CUBN: variants seen among roughly 807,000 people sequenced by gnomAD.
CUBN encodes the protein 460 kDa receptor.
Under a neutral mutation model 405.3 loss-of-function variants are expected in CUBN, and 282 were observed. The ratio of observed to expected loss-of-function variants is 0.70; its 90% confidence interval spans 0.63 to 0.77. The LOEUF is 0.77. Among genes scored for constraint, CUBN ranks in the 30% least tolerant of loss-of-function variants. The pLI, the probability that CUBN is intolerant of heterozygous loss-of-function variation, is 0.00. For missense variants in CUBN, 4,514 were observed against 4,475.2 expected (o/e 1.01, Z -0.25); for synonymous variants, 1,684 against 1,617.0 (o/e 1.04, Z -0.99).
At chr10:17,039,414 G>C (rs1834968771) in intron 27 of CUBN, among the ~76,000 whole-genome samples, 1 of 152,130 alleles carries the variant, frequency 6.6e-6, no homozygotes, top group African/African-American at 2.4e-5. Context: ...TGTATAATAA[G>C]TGCCTGGGTT....
intron 27 of CUBN, among the ~76,000 whole-genome samples, chr10:17,026,160 C>G (rs1252438798): frequency 6.6e-6 from 1 of 152,174 alleles, no homozygotes; most frequent in Non-Finnish European, 1.5e-5. Flanking sequence ...TTCCCCACCC[C>G]AAACAACCAC....
intron 31 of CUBN, among the ~76,000 whole-genome samples, chr10:16,975,624 CTTTT>C (rs199779818): frequency 8.0e-6 from 1 of 124,308 alleles, no homozygotes; most frequent in East Asian, 2.6e-4. Context: ...TAAAGACCTT[CTTTT>C]TTTTTTTTTT....
At chr10:16,966,674 C>G (rs1471761544) in intron 31 of CUBN, among the ~76,000 whole-genome samples, 1 of 152,166 alleles carries the variant, frequency 6.6e-6, no homozygotes, top group East Asian at 1.9e-4. Context: ...GTCTTGAACT[C>G]TTGACCTCAA....
intron 45 of CUBN, among the ~76,000 whole-genome samples, chr10:16,916,982 T>C (rs2131460890): frequency 6.6e-6 from 1 of 151,794 alleles, no homozygotes; most frequent in South Asian, 2.1e-4. Flanking sequence ...CCTGGCTAAT[T>C]TTTGTATTTT....
In CUBN at chr10:16,900,755, T is replaced by C. The variant is rs756182123; in HGVS notation, c.8280A>G (p.Ile2760Met). Reference sequence around the variant, plus strand: ...GGTTTGAATTTCCACAGTATTGTCCTATGATGGGTGATTCAGGGGACCCAC... The same window carrying C: ...GGTTTGAATTTCCACAGTATTGTCCCATGATGGGTGATTCAGGGGACCCAC... The part of the protein sequence containing the change: ...RNGGSPESPI[I>M]GQYCGNSNPR... Residue 2760 changes from isoleucine (I) to methionine (M), a missense_variant, in exon 53 of 67, where the codon ATA becomes ATG. Physicochemically the swap from Ile to Met is conservative, Grantham distance 10 (BLOSUM62 1). This residue lies in a region of CUBN where 1,186 missense variants were observed against 1,186.9 expected (regional missense o/e 1.00). Transcript: ENST00000377833. 3 of 1,613,932 alleles carry C rather than the reference T, an allele frequency of 1.9e-6. No homozygotes were observed. Among genetic ancestry groups the C allele is most frequent in the Non-Finnish European group, 1.7e-6 (2 of 1,179,950 alleles).
chr10:17,101,310 T>C (rs1836488513), intron 13 of CUBN, among the ~76,000 whole-genome samples: 1 of 152,060 alleles, frequency 6.6e-6, no homozygotes, highest in Admixed American at 6.6e-5. Flanking sequence ...GAATTGGTAA[T>C]GAAAGTATTA....
chr10:16,887,289 TC>T (rs1489619090), intron 56 of CUBN, among the ~76,000 whole-genome samples: 1 of 152,260 alleles, frequency 6.6e-6, no homozygotes, highest in Non-Finnish European at 1.5e-5. Flanking sequence ...AGACTTATTT[TC>T]TTTAAGCAAT....
At chr10:16,955,092 C>T (rs1035247694) in intron 31 of CUBN, among the ~76,000 whole-genome samples, 3 of 151,866 alleles carry the variant, frequency 2.0e-5, no homozygotes, top group South Asian at 2.1e-4. Context: ...TCTTTTTGCC[C>T]GTGCATGGTG....
rs144422027 is a variant in CUBN, at chr10:16,899,093, G to A, written c.8501C>T (p.Thr2834Met). ...GTGTTTACTTTTGTGAGTAATGGCC[G>A]TCCAGGAACATCTGCTGTTTTCGGG... ...NFPENSRCSW[T>M]AITHKSKHLE... Residue 2834 changes from threonine to methionine, a missense_variant, in exon 54 of 67, where the codon ACG (threonine) becomes ATG (methionine). Thr to Met is a moderately conservative substitution (Grantham distance 81). Transcript: ENST00000377833. 34 of 1,612,994 alleles carry A rather than the reference G, an allele frequency of 2.1e-5. No homozygotes were observed. Among genetic ancestry groups the A allele is most frequent in the Middle Eastern group, 1.6e-4 (1 of 6,084 alleles).
intron 31 of CUBN, among the ~76,000 whole-genome samples, chr10:16,958,374 C>A (rs3847365): frequency 0.67 from 100,328 of 150,158 alleles, 33,466 homozygotes; most frequent in African/African-American, 0.77. Flanking sequence ...ATACAAAAAA[C>A]AATTAGCCAG....
At chr10:17,039,944 T>C (rs1486838781) in intron 27 of CUBN, among the ~76,000 whole-genome samples, 1 of 152,208 alleles carries the variant, frequency 6.6e-6, no homozygotes, top group Non-Finnish European at 1.5e-5. Flanking sequence ...TTGTCACTCT[T>C]TGTTTTCATA....
chr10:17,087,941 G>C (rs1417101287), intron 15 of CUBN, among the ~76,000 whole-genome samples: 1 of 152,106 alleles, frequency 6.6e-6, no homozygotes, highest in African/African-American at 2.4e-5. Context: ...CCATAGCAGG[G>C]CAAGGTAATC....
intron 27 of CUBN, among the ~76,000 whole-genome samples, chr10:17,039,905 C>G (rs1564490622): frequency 1.3e-5 from 2 of 152,168 alleles, no homozygotes; most frequent in African/African-American, 2.4e-5. Flanking sequence ...TAGGACCTCA[C>G]AGAGTCTCTC....
chr10:17,014,818 C>T (rs1013364814), intron 28 of CUBN, among the ~76,000 whole-genome samples: 1 of 152,198 alleles, frequency 6.6e-6, no homozygotes, highest in Admixed American at 6.5e-5. Flanking sequence ...TATCCCTAAA[C>T]CCTTGGGGCA....
chr10:16,860,663 T>C (rs1044023584), intron 59 of CUBN, among the ~76,000 whole-genome samples: 1 of 152,216 alleles, frequency 6.6e-6, no homozygotes, highest in Admixed American at 6.5e-5. Flanking sequence ...ATTTGAATAG[T>C]GGTGTCACAA....
At position 17,100,176 on chromosome 10, in the gene CUBN, G is replaced by A. The variant is rs1339792817; in HGVS notation, c.1594C>T (p.Leu532Phe). 2 of 1,613,950 alleles carry A rather than the reference G, an allele frequency of 1.2e-6. No individual in the cohort carries two copies. Among genetic ancestry groups the A allele is most frequent in the Non-Finnish European group, 1.7e-6 (2 of 1,179,982 alleles). The change falls in exon 14 of 67, where the codon CTT (leucine) becomes TTT (phenylalanine). Residue 532 changes from leucine to phenylalanine, a missense_variant. By Grantham distance (22) the Leu-to-Phe change is conservative. Around this residue, in one of 5 missense-constraint regions of CUBN, gnomAD observed 1,448 missense variants for 1,388.0 expected, o/e 1.04. Transcript: ENST00000377833. ...GAGGAATCTCCATCATAAACCTGAA[G>A]AAACTCGTGTGGACAGTTGTCCATG... ...ESMDNCPHEF[L>F]QVYDGDSSSA... is the part of the protein sequence containing the mutation.
chr10:16,906,428 A>C lies in CUBN; in HGVS notation c.7706-19T>G. 6.4e-7 allele frequency: 1 copy of C among 1,559,064 alleles called. No homozygotes were observed. The highest frequency in any genetic ancestry group is 8.8e-7 in the Non-Finnish European group (1 of 1,130,018). On this transcript the variant is annotated intron_variant, in intron 49 of 66. Coordinates refer to ENST00000377833, the MANE Select transcript of CUBN (RefSeq NM_001081.4). ...CCACACACTAAGAAAACAGAAGGCA[A>C]CAGAGAAAGTAGTAGTAAGATTCAG...
At chr10:17,050,997 C>G (rs780122942) in intron 22 of CUBN, among the ~76,000 whole-genome samples, 9 of 151,832 alleles carry the variant, frequency 5.9e-5, no homozygotes, top group Non-Finnish European at 1.0e-4. Flanking sequence ...TGATATGGGA[C>G]CCCCATATCA....
At chr10:16,987,931 G>T (rs1833473171) in intron 29 of CUBN, among the ~76,000 whole-genome samples, 1 of 152,130 alleles carries the variant, frequency 6.6e-6, no homozygotes, top group South Asian at 2.1e-4. Flanking sequence ...GCTTTTGGTG[G>T]AACACGGGAG....
Sources: gnomAD v4.1 joint callset for allele counts (sites outside exome capture counted in the v4.1 genomes callset) on GRCh38, gnomAD v4.1.1 for gene constraint, gnomAD v4.1.1 regional missense constraint, MANE v1.5 for transcripts, NCBI Gene and HGNC (gene_info 2026-07-23, HGNC 2026-07-21) for gene names.